The following FAM170A variants were observed in gnomAD, a reference collection of about 807,000 sequenced individuals.
FAM170A encodes the protein family with sequence similarity 170 member A.
FAM170A carries 28 observed loss-of-function variants against 36.6 expected under a neutral mutation model. The observed-to-expected ratio is 0.76, with a 90% CI of 0.57 to 1.05. The LOEUF is 1.05. Ranked by LOEUF, FAM170A falls within the 50% of genes least tolerant of loss-of-function variation. The probability of loss-of-function intolerance (pLI) is 0.00; values close to 1 mark genes in which losing one functional copy is unlikely to be tolerated. For missense variants in FAM170A, 434 were observed against 396.5 expected, an observed-to-expected ratio of 1.09 and a Z score of -0.80; for synonymous variants, 156 against 143.9, an observed-to-expected ratio of 1.08 and a Z score of -0.60.
chr5:119,632,961 G>C, intron 2 of FAM170A, 73 bp downstream of exon 2: 3 of 1,445,044 alleles, frequency 2.1e-6, no homozygotes, highest in Non-Finnish European at 2.8e-6. Flanking sequence ...ATATTTGAGT[G>C]TGGGGCTCTG....
In FAM170A at chr5:119,632,820, TG is replaced by T. The variant is rs1561524022; in HGVS notation, c.146del (p.Gly49GlufsTer71). 6.2e-7 allele frequency: 1 copy of T among 1,612,946 alleles called. No homozygotes were observed. Reference sequence around the variant, plus strand: ...GTGGCCAAAGGCTGGAGCCAAGGGGTGGGAGAAGTTACTTCTACCTCCGAAT... The same window carrying T: ...GTGGCCAAAGGCTGGAGCCAAGGGGTGGAGAAGTTACTTCTACCTCCGAAT... On this transcript the variant is annotated frameshift_variant, in exon 2 of 5. Transcript: ENST00000613773. LOFTEE classifies it high-confidence loss of function.
intron 1 of FAM170A, among the ~76,000 whole-genome samples, 162 bp from the exon 2 acceptor site, chr5:119,632,586 G>C (rs1756276548): frequency 1.3e-5 from 2 of 152,234 alleles, no homozygotes. Context: ...CCTGTTGACT[G>C]TAATTAAATA....
At chr5:119,631,166 G>T (rs1202930391) in intron 1 of FAM170A, among the ~76,000 whole-genome samples, 3 of 152,200 alleles carry the variant, frequency 2.0e-5, no homozygotes, top group Non-Finnish European at 2.9e-5. Flanking sequence ...ATGCTCACAT[G>T]CAGGAGACAG....
chr5:119,634,753 G>T lies in FAM170A; in HGVS notation c.986+19G>T. ...ACAGGAAGTGAGCAAAGCCTGGGTT[G>T]TGGGTCTGCTGAGGGAGCAATGGCT... On this transcript the variant is annotated intron_variant, in intron 3 of 4. Coordinates refer to ENST00000613773, the Ensembl canonical transcript of FAM170A. The T allele has an allele frequency of 1.3e-6, 2 of 1,524,988 alleles. No individual in the cohort carries two copies. Among genetic ancestry groups the T allele is most frequent in the Non-Finnish European group, 1.8e-6 (2 of 1,138,718 alleles). 94.5% of individuals were successfully genotyped at this position (1,524,988 alleles called of 1,614,324 possible). A position where few individuals can be genotyped will look rare whatever the true frequency, so the allele number is the denominator to read the frequency against.
intron 1 of FAM170A, 69 bp from the exon 2 acceptor site, chr5:119,632,679 G>C (rs1756278547): frequency 7.1e-7 from 1 of 1,418,096 alleles, no homozygotes; most frequent in African/African-American, 1.4e-5. Flanking sequence ...GTAAATATTT[G>C]TTGGATGGTA....
rs77365311 is a variant in FAM170A at position 119,632,711 on chromosome 5, A to G, written c.71-37A>G. 2,906 of 1,500,854 alleles carry G rather than the reference A, an allele frequency of 1.9e-3. 56 individuals are homozygous for G. In the Admixed American group the frequency reaches 0.029, roughly 15 times the overall value. The allele number at this position is 1,500,854 out of a possible 1,614,324, so 93.0% of individuals were successfully genotyped here. ...GGTAAATGATGCACAAACATTACCCATCCATCATATCTCTGTTCCCTTCAT... is the reference window on the plus strand; with the variant it reads ...GGTAAATGATGCACAAACATTACCCGTCCATCATATCTCTGTTCCCTTCAT... On this transcript the variant is annotated intron_variant, in intron 1 of 4. Coordinates refer to ENST00000613773, the Ensembl canonical transcript of FAM170A.
At chr5:119,633,930 T>C (rs1295240757) in intron 2 of FAM170A, 30 bp from the exon 3 acceptor site, 11 of 1,591,702 alleles carry the variant, frequency 6.9e-6, no homozygotes, top group Middle Eastern at 1.7e-4. Flanking sequence ...GGCCCATGCA[T>C]CTGCTCATGT....
chr5:119,633,206 T>G (rs2126973192), intron 2 of FAM170A, among the ~76,000 whole-genome samples: 1 of 152,188 alleles, frequency 6.6e-6, no homozygotes, highest in Non-Finnish European at 1.5e-5. Context: ...CAGGGCTCCT[T>G]GGGTAGGGGG....
chr5:119,629,730 G>A lies in FAM170A; in HGVS notation c.-39G>A, dbSNP rs766901244. On this transcript the variant is annotated 5_prime_UTR_variant, in exon 1 of 5. An upstream open reading frame in the 5' UTR gains an earlier in-frame stop. Coordinates refer to ENST00000613773, the Ensembl canonical transcript of FAM170A. ...AATCTACAGGAAAAAGTGGGAGGTG[G>A]ACATTAAGCATCTTCTAGAAACTCT... The A allele has an allele frequency of 6.6e-7, 1 of 1,519,648 alleles. No individual in the cohort carries two copies. The highest frequency in any genetic ancestry group is 9.1e-7 in the Non-Finnish European group (1 of 1,096,868). 94.1% of individuals were successfully genotyped at this position (1,519,648 alleles called of 1,614,324 possible). A position where few individuals can be genotyped will look rare whatever the true frequency, so the allele number is the denominator to read the frequency against.
chr5:119,634,353 GC>G lies in FAM170A; in HGVS notation c.607del (p.Leu203CysfsTer20), dbSNP rs1211423965. 3.1e-6 allele frequency: 5 copies of G among 1,614,070 alleles called. No individual in the cohort carries two copies. The highest frequency in any genetic ancestry group is 4.2e-6 in the Non-Finnish European group (5 of 1,180,034). ...CATGAGGAAAGGACAGAATCAGACAGCCTGCCAGGCTCACCCACCGTTGAGG... is the reference window on the plus strand; with the variant it reads ...CATGAGGAAAGGACAGAATCAGACAGCTGCCAGGCTCACCCACCGTTGAGG... On this transcript the variant is annotated frameshift_variant, in exon 3 of 5. Coordinates refer to ENST00000613773, the Ensembl canonical transcript of FAM170A. LOFTEE classifies it high-confidence loss of function.
chr5:119,630,986 CG>C (rs1756238342), intron 1 of FAM170A, among the ~76,000 whole-genome samples: 1 of 152,178 alleles, frequency 6.6e-6, no homozygotes, highest in Non-Finnish European at 1.5e-5. Context: ...ATTGCTTCAG[CG>C]GGAAGAATTA....
chr5:119,630,649 A>G (rs1479167447), intron 1 of FAM170A, among the ~76,000 whole-genome samples: 1 of 152,132 alleles, frequency 6.6e-6, no homozygotes, highest in Non-Finnish European at 1.5e-5. Context: ...CTGGGCTGAG[A>G]ACTTTTGCTC....
intron 2 of FAM170A, 60 bp from the exon 3 acceptor site, chr5:119,633,900 G>A (rs1471233965): frequency 6.4e-6 from 10 of 1,550,646 alleles, no homozygotes; most frequent in African/African-American, 1.4e-5. Flanking sequence ...TTTAACTTAC[G>A]TTCCCTCAGC....
chr5:119,631,853 A>G (rs1580764445), intron 1 of FAM170A, among the ~76,000 whole-genome samples: 2 of 152,204 alleles, frequency 1.3e-5, no homozygotes, highest in Non-Finnish European at 2.9e-5. Context: ...TGTGTAGCAG[A>G]GCCAGGCCTG....
chr5:119,634,852 A>G, intron 3 of FAM170A, 118 bp downstream of exon 3: 2 of 1,259,608 alleles, frequency 1.6e-6, no homozygotes, highest in South Asian at 2.9e-5. Flanking sequence ...TTATTGGCTC[A>G]GGGAACAATG....
intron 1 of FAM170A, among the ~76,000 whole-genome samples, chr5:119,631,639 G>C (rs1460843272): frequency 1.3e-5 from 2 of 152,076 alleles, no homozygotes; most frequent in Non-Finnish European, 2.9e-5. Context: ...AGTGGATATA[G>C]TTATATACAC....
At chr5:119,633,911 T>A (rs1353884227) in intron 2 of FAM170A, 49 bp from the exon 3 acceptor site, 2 of 1,567,288 alleles carry the variant, frequency 1.3e-6, no homozygotes, top group African/African-American at 1.4e-5. Flanking sequence ...TTCCCTCAGC[T>A]CCTAGCATGG....
rs1267974138 is a variant in FAM170A at position 119,629,696 on chromosome 5, A to G, written c.-73A>G. On this transcript the variant is annotated 5_prime_UTR_variant, in exon 1 of 5. Coordinates refer to ENST00000613773, the Ensembl canonical transcript of FAM170A. ...TTTTTAATGAATTTCCTGAGAGCCA[A>G]GAAGGGCCAATCTACAGGAAAAAGT... 17 of 1,156,680 alleles carry G rather than the reference A, an allele frequency of 1.5e-5. No homozygotes were observed. The South Asian group carries it at 2.0e-4, about 14-fold the overall frequency. 71.7% of individuals were successfully genotyped at this position (1,156,680 alleles called of 1,614,324 possible).
In FAM170A at chr5:119,629,864, G is replaced by A. The variant is rs1333599814; in HGVS notation, c.70+26G>A. On this transcript the variant is annotated intron_variant, in intron 1 of 4. Coordinates refer to ENST00000613773, the Ensembl canonical transcript of FAM170A. ...GTATGTGCGGGGCAAACTTTCTGGGGCACAAGCGTCACTGGCCAGCCTGAG... is the reference window on the plus strand; with the variant it reads ...GTATGTGCGGGGCAAACTTTCTGGGACACAAGCGTCACTGGCCAGCCTGAG... The A allele has an allele frequency of 2.5e-6, 4 of 1,581,598 alleles. No homozygotes were observed. In the African/African-American group the frequency reaches 4.0e-5, roughly 16 times the overall value.
Sources: gnomAD v4.1 joint callset for allele counts (sites outside exome capture counted in the v4.1 genomes callset) on GRCh38, gnomAD v4.1.1 for gene constraint, MANE v1.5 for transcripts, NCBI Gene and HGNC (gene_info 2026-07-23, HGNC 2026-07-21) for gene names.